Variants in UNC80 observed in about 807,000 individuals in gnomAD.
UNC80 encodes the protein protein unc-80 homolog.
UNC80 carries 164 observed loss-of-function variants against 384.6 expected under a neutral mutation model. That is an observed-to-expected ratio of 0.43 (90% confidence interval 0.38 to 0.49). The LOEUF is 0.49. Among genes scored for constraint, UNC80 ranks in the 20% least tolerant of loss-of-function variants. UNC80 has a pLI of 0.00. For missense variants in UNC80, 3,330 were observed against 4,143.0 expected (o/e 0.80, Z 5.39); for synonymous variants, 1,486 against 1,527.8 (o/e 0.97, Z 0.64).
intron 27 of UNC80, among the ~76,000 whole-genome samples, chr2:209,894,993 A>G (rs1034826467): frequency 6.6e-6 from 1 of 152,200 alleles, no homozygotes; most frequent in African/African-American, 2.4e-5. Flanking sequence ...CTTGCCTACA[A>G]TGCAAGGATG....
chr2:209,798,548 G>C (rs1015726861), intron 7 of UNC80, among the ~76,000 whole-genome samples: 1 of 152,134 alleles, frequency 6.6e-6, no homozygotes. Context: ...ATACCATGCT[G>C]TTTTGGTTAC....
rs370110969 is a variant in UNC80 at position 209,901,754 on chromosome 2, G to A, written c.4582-3011G>A. The stretch of plus-strand genomic sequence containing the variant: ...ATCCTGGCTAACACGGTGAAACCCC[G>A]TCTCTACTAAAAATACAAAATAAAA... On this transcript the variant is annotated intron_variant, in intron 28 of 64. Coordinates refer to ENST00000673920, the MANE Select transcript of UNC80 (RefSeq NM_001371986.1). Among the ~76,000 whole-genome samples the A allele has an allele frequency of 8.6e-4, 131 of 152,068 alleles. No individual in the cohort carries two copies. In the East Asian group the frequency reaches 0.012, roughly 14 times the overall value.
At chr2:209,917,446 G>A (rs1209366927) in intron 31 of UNC80, among the ~76,000 whole-genome samples, 1 of 152,206 alleles carries the variant, frequency 6.6e-6, no homozygotes, top group Non-Finnish European at 1.5e-5. Flanking sequence ...ACTAAGAGAT[G>A]ACTCTGGCTA....
At chr2:209,808,934 C>A (rs2079126686) in intron 7 of UNC80, 6 of 308,494 alleles carry the variant, frequency 1.9e-5, no homozygotes, top group Non-Finnish European at 3.8e-5. Flanking sequence ...CTTAACTCCA[C>A]TGCTTTGCTG....
intron 7 of UNC80, chr2:209,808,822 G>C (rs2079118833): frequency 1.3e-4 from 5 of 37,890 alleles, no homozygotes; most frequent in South Asian, 8.5e-4. Context: ...CTCTTTCCTC[G>C]TCAGGAAGCT....
Position 209,839,538 on chromosome 2 carries a change from AG to A in UNC80, c.3250+109del. ...CGAAAAAGAAGACCTTCAAGTCATA[AG>A]ACCTAGACTGACTTCATTCATTCAT... On this transcript the variant is annotated intron_variant, in intron 19 of 64. Transcript: ENST00000673920. This position sits in a 1 kb window ranked among gnomAD's most constrained non-coding sequence, Gnocchi z 4.1. The A allele has an allele frequency of 8.9e-7, 1 of 1,118,738 alleles. No individual in the cohort carries two copies. The highest frequency in any genetic ancestry group is 1.3e-6 in the Non-Finnish European group (1 of 782,098). The allele number at this position is 1,118,738 out of a possible 1,614,324, so 69.3% of individuals were successfully genotyped here. A position where few individuals can be genotyped will look rare whatever the true frequency, so the allele number is the denominator to read the frequency against.
At chr2:209,990,537 G>A (rs1180901303) in intron 61 of UNC80, among the ~76,000 whole-genome samples, 1 of 152,134 alleles carries the variant, frequency 6.6e-6, no homozygotes, top group Non-Finnish European at 1.5e-5. Context: ...TCCAATGAAA[G>A]CTTTGCTTAG....
chr2:209,858,399 G>A (rs999403283), intron 22 of UNC80, among the ~76,000 whole-genome samples: 1 of 152,028 alleles, frequency 6.6e-6, no homozygotes, highest in African/African-American at 2.4e-5. Flanking sequence ...TTACTTAGGT[G>A]TATGTCTTAT....
chr2:209,793,641 C>T, intron 6 of UNC80, 79 bp from the exon 7 acceptor site: 3 of 1,527,458 alleles, frequency 2.0e-6, no homozygotes, highest in Non-Finnish European at 2.7e-6. Flanking sequence ...AATATGGTAG[C>T]TAATTCTAGA....
chr2:209,862,649 C>CTTTTTTTTTTTTTTTTT (rs71043955), intron 22 of UNC80, among the ~76,000 whole-genome samples: 19 of 78,802 alleles, frequency 2.4e-4, no homozygotes, highest in African/African-American at 5.5e-4. Flanking sequence ...GCAACCTCTG[C>CTTTTTTTTTTTTTTTTT]TTTTTTTTTT....
At chr2:209,895,597 T>A (rs2086728590) in intron 27 of UNC80, among the ~76,000 whole-genome samples, 1 of 152,202 alleles carries the variant, frequency 6.6e-6, no homozygotes, top group Non-Finnish European at 1.5e-5. Flanking sequence ...TTATTTAAAT[T>A]GATCGATTTA....
chr2:209,983,502 G>A (rs995295625), intron 60 of UNC80, among the ~76,000 whole-genome samples: 6 of 152,068 alleles, frequency 3.9e-5, no homozygotes, highest in Non-Finnish European at 5.9e-5. Flanking sequence ...CACAAAAAGT[G>A]TGAACAAAAT....
In UNC80 at chr2:209,820,606, G is replaced by C; in HGVS notation, c.2258G>C (p.Gly753Ala). 6.4e-7 allele frequency: 1 copy of C among 1,550,644 alleles called. No homozygotes were observed. Among genetic ancestry groups the C allele is most frequent in the African/African-American group, 1.4e-5 (1 of 73,106 alleles). The change falls in exon 13 of 65, where the codon GGA (glycine) becomes GCA (alanine). Residue 753 changes from glycine to alanine, a missense_variant. Transcript: ENST00000673920. ...EEGGGGDGGGGGGDGGGGGGG... is the reference protein window; with the variant it reads ...EEGGGGDGGGAGGDGGGGGGG... ...GGAGGAGGTGGAGATGGAGGAGGTG[G>C]AGGAGGTGATGGAGGAGGAGGTGGA...
intron 22 of UNC80, among the ~76,000 whole-genome samples, chr2:209,868,142 T>C (rs907818630): frequency 1.4e-4 from 22 of 152,200 alleles, no homozygotes; most frequent in Middle Eastern, 3.2e-3. Context: ...GAGAATTCAA[T>C]ACAGCTAAGT....
At chr2:209,809,864 C>T (rs770621766) in intron 7 of UNC80, among the ~76,000 whole-genome samples, 13 of 152,172 alleles carry the variant, frequency 8.5e-5, no homozygotes, top group Non-Finnish European at 1.3e-4. Context: ...AGCTTGGGGG[C>T]ATTCTTGAAC....
intron 15 of UNC80, among the ~76,000 whole-genome samples, chr2:209,830,960 C>T (rs114711386): frequency 0.023 from 3,466 of 152,292 alleles, 117 homozygotes; most frequent in African/African-American, 0.077. Flanking sequence ...TCTTTCTTCT[C>T]CCTTCCCAGC....
chr2:209,936,798 T>C (rs780682258), intron 40 of UNC80, 46 bp from the exon 41 acceptor site: 4 of 1,356,010 alleles, frequency 2.9e-6, no homozygotes, highest in Non-Finnish European at 3.1e-6. Flanking sequence ...TAGCACATAA[T>C]ATCTTCCTGA....
chr2:209,841,053 C>T (rs563683454), intron 20 of UNC80, among the ~76,000 whole-genome samples: 2 of 150,868 alleles, frequency 1.3e-5, no homozygotes, highest in African/African-American at 4.9e-5. Flanking sequence ...CTTTTGGCAC[C>T]ATGTGAACCA....
At chr2:209,933,571 A>C (rs1306258937) in intron 38 of UNC80, among the ~76,000 whole-genome samples, 1 of 48,540 alleles carries the variant, frequency 2.1e-5, no homozygotes, top group Admixed American at 2.7e-4. Context: ...GGGTGGGGGG[A>C]GGGGGGAATG....
Sources: gnomAD v4.1 joint callset for allele counts (sites outside exome capture counted in the v4.1 genomes callset) on GRCh38, gnomAD v4.1.1 for gene constraint, Gnocchi (gnomAD v3.1) non-coding constraint, MANE v1.5 for transcripts, NCBI Gene and HGNC (gene_info 2026-07-23, HGNC 2026-07-21) for gene names.